Variants in VPS13B observed in about 807,000 individuals in gnomAD.
VPS13B encodes the protein intermembrane lipid transfer protein VPS13B.
In VPS13B, 285 loss-of-function variants were observed where a neutral mutation model predicts 426.4. The observed-to-expected ratio is 0.67, with a 90% CI of 0.61 to 0.74. VPS13B has a LOEUF of 0.74. VPS13B is among the 30% of genes least tolerant of loss of function. VPS13B has a pLI of 0.00. For synonymous variants in VPS13B, 1,676 were observed against 1,676.4 expected (o/e 1.00, Z 0.01); for missense variants, 4,537 against 4,782.6 (o/e 0.95, Z 1.51).
intron 19 of VPS13B, among the ~76,000 whole-genome samples, chr8:99,314,535 A>G (rs947121143): frequency 6.6e-6 from 1 of 152,194 alleles, no homozygotes; most frequent in Non-Finnish European, 1.5e-5. Flanking sequence ...GTCCCCAACT[A>G]TTATTATATT....
chr8:99,065,180 C>G (rs1844417419), intron 3 of VPS13B, among the ~76,000 whole-genome samples: 1 of 151,902 alleles, frequency 6.6e-6, no homozygotes, highest in African/African-American at 2.4e-5. Flanking sequence ...ACCATGAATG[C>G]TAGGAAGAAA....
intron 4 of VPS13B, among the ~76,000 whole-genome samples, chr8:99,102,283 T>C (rs1313302338): frequency 6.6e-6 from 1 of 152,174 alleles, no homozygotes; most frequent in South Asian, 2.1e-4. Flanking sequence ...TTCCATACTT[T>C]TGTTTTTTCA....
At chr8:99,018,021 A>G (rs1275158344) in intron 2 of VPS13B, among the ~76,000 whole-genome samples, 1 of 152,104 alleles carries the variant, frequency 6.6e-6, no homozygotes, top group Non-Finnish European at 1.5e-5. Context: ...AACTTTTTAG[A>G]GAAATTTTGC....
chr8:99,147,972 T>C lies in VPS13B; in HGVS notation c.1975T>C (p.Leu659=), dbSNP rs754099212. ...CACAATTTCCATGGCTGAATTCAAC[T>C]TGCTGGACCATTTACTACCTGTCAT... ...TCTISMAEFN[L]LDHLLPVIMG... Residue 659 remains leucine, a synonymous_variant, in exon 14 of 62, where the codon TTG becomes CTG. Coordinates refer to ENST00000357162, the MANE Select transcript of VPS13B (RefSeq NM_152564.5). 11 of 1,613,742 alleles carry C rather than the reference T, an allele frequency of 6.8e-6. No individual in the cohort carries two copies. The highest frequency in any genetic ancestry group is 4.5e-5 in the East Asian group (2 of 44,836).
chr8:99,845,792 T>C (rs535553868), intron 54 of VPS13B, among the ~76,000 whole-genome samples: 9 of 152,320 alleles, frequency 5.9e-5, no homozygotes, highest in African/African-American at 2.2e-4. Context: ...TTTTAGGTTT[T>C]GCAGGCCTTA....
At chr8:99,177,089 A>G (rs1037381240) in intron 16 of VPS13B, among the ~76,000 whole-genome samples, 11 of 152,320 alleles carry the variant, frequency 7.2e-5, no homozygotes, top group African/African-American at 1.2e-4. Flanking sequence ...CACCAAGGAC[A>G]TTTATTAGCA....
At chr8:99,218,993 AC>A (rs1489916151) in intron 17 of VPS13B, among the ~76,000 whole-genome samples, 1 of 152,104 alleles carries the variant, frequency 6.6e-6, no homozygotes, top group African/African-American at 2.4e-5. Flanking sequence ...TTTGATCAAC[AC>A]CTTGATTCCA....
chr8:99,659,750 T>G (rs1208965284), intron 34 of VPS13B, among the ~76,000 whole-genome samples: 1 of 152,224 alleles, frequency 6.6e-6, no homozygotes, highest in African/African-American at 2.4e-5. Context: ...TCTCTGTTCA[T>G]TATTTTGTTA....
Position 99,699,696 on chromosome 8 carries a change from C to G in VPS13B, c.6218C>G (p.Ser2073Cys). The G allele has an allele frequency of 6.2e-7, 1 of 1,614,098 alleles. No homozygotes were observed. The highest frequency in any genetic ancestry group is 8.5e-7 in the Non-Finnish European group (1 of 1,180,012). Residue 2073 changes from serine (S) to cysteine (C), a missense_variant, in exon 36 of 62, where the codon TCC (serine) becomes TGC (cysteine). By Grantham distance (112) the Ser-to-Cys change is moderately radical. This residue lies in a region of VPS13B where 4,311 missense variants were observed against 4,474.3 expected (regional missense o/e 0.96). Coordinates refer to ENST00000357162, the MANE Select transcript of VPS13B (RefSeq NM_152564.5). ...GTGAATAAGGATGATCTTCCAGTCT[C>G]CAAATATTACCGTGGAAAGTTGTCT... ...TMVNKDDLPVSKYYRGKLSKP... is the reference protein window; with the variant it reads ...TMVNKDDLPVCKYYRGKLSKP...
At chr8:99,345,701 C>A (rs1309981548) in intron 19 of VPS13B, among the ~76,000 whole-genome samples, 1 of 152,004 alleles carries the variant, frequency 6.6e-6, no homozygotes, top group Non-Finnish European at 1.5e-5. Context: ...ATTTAAAATT[C>A]TTCAGTCACC....
chr8:99,576,484 G>A (rs991314579), intron 32 of VPS13B, among the ~76,000 whole-genome samples: 4 of 151,310 alleles, frequency 2.6e-5, no homozygotes, highest in Non-Finnish European at 5.9e-5. Context: ...ACTTGTGGAG[G>A]AAAAAATTGT....
intron 3 of VPS13B, among the ~76,000 whole-genome samples, chr8:99,076,701 T>C (rs921651392): frequency 7.2e-5 from 11 of 152,008 alleles, no homozygotes; most frequent in African/African-American, 2.7e-4. Flanking sequence ...TTTTTGTTTA[T>C]ATGCAATATC....
chr8:99,109,328 A>T (rs1290016739), intron 5 of VPS13B, among the ~76,000 whole-genome samples: 1 of 151,962 alleles, frequency 6.6e-6, no homozygotes, highest in Non-Finnish European at 1.5e-5. Flanking sequence ...TTCACTGAAT[A>T]ATAATTGTCT....
intron 31 of VPS13B, among the ~76,000 whole-genome samples, chr8:99,566,992 C>G (rs769312348): frequency 2.0e-5 from 3 of 152,144 alleles, no homozygotes; most frequent in Non-Finnish European, 2.9e-5. Context: ...AACTCCTGGG[C>G]TCTAACGATC....
In VPS13B at chr8:99,868,294, A is replaced by G; in HGVS notation, c.11221A>G (p.Ile3741Val). 5 of 1,614,108 alleles carry G rather than the reference A, an allele frequency of 3.1e-6. No individual in the cohort carries two copies. The highest frequency in any genetic ancestry group is 4.2e-6 in the Non-Finnish European group (5 of 1,180,018). ...SRLGISLLGAIAGIVDQPMQN... is the reference protein window; with the variant it reads ...SRLGISLLGAVAGIVDQPMQN... ...GAGGGCTTTTGTTATTCCAGGTGCA[A>G]TTGCTGGTATAGTTGATCAGCCGAT... The change falls in exon 59 of 62, where the codon ATT (isoleucine) becomes GTT (valine). Residue 3741 changes from isoleucine to valine, a missense_variant. Transcript: ENST00000357162.
intron 24 of VPS13B, among the ~76,000 whole-genome samples, chr8:99,475,435 T>G (rs1187838442): frequency 6.6e-6 from 1 of 152,186 alleles, no homozygotes; most frequent in Non-Finnish European, 1.5e-5. Context: ...ATAGTCCTAC[T>G]CCACATGTTC....
At chr8:99,844,164 T>C (rs1815856485) in intron 54 of VPS13B, among the ~76,000 whole-genome samples, 1 of 152,192 alleles carries the variant, frequency 6.6e-6, no homozygotes, top group Admixed American at 6.5e-5. Context: ...CTTAGTCTGT[T>C]CAGGCTGCTA....
At chr8:99,097,870 C>A (rs1328429923) in intron 4 of VPS13B, among the ~76,000 whole-genome samples, 1 of 152,028 alleles carries the variant, frequency 6.6e-6, no homozygotes, top group Admixed American at 6.6e-5. Flanking sequence ...AAAAAATCTC[C>A]AGATTAGTTC....
At chr8:99,836,983 C>T (rs1002760516) in intron 54 of VPS13B, among the ~76,000 whole-genome samples, 5 of 152,220 alleles carry the variant, frequency 3.3e-5, no homozygotes, top group African/African-American at 1.2e-4. Flanking sequence ...ACTGCAAAGC[C>T]GGTGCTCTGA....
Sources: allele counts gnomAD v4.1 joint callset (sites outside exome capture counted in the v4.1 genomes callset), GRCh38; gene constraint gnomAD v4.1.1; regional missense constraint gnomAD v4.1.1; transcripts MANE v1.5; gene names NCBI Gene and HGNC (gene_info 2026-07-23, HGNC 2026-07-21).